The following MED12L variants were observed in gnomAD, a reference collection of about 807,000 sequenced individuals.
MED12L encodes mediator complex subunit 12L, also known as mediator of RNA polymerase II transcription subunit 12-like protein.
A neutral mutation model predicts 281.3 loss-of-function variants in MED12L; 60 were observed. The observed-to-expected ratio is 0.21, with a 90% CI of 0.17 to 0.26. The LOEUF (loss-of-function observed/expected upper bound fraction) is 0.26. Among genes scored for constraint, MED12L ranks in the 10% least tolerant of loss-of-function variants. The pLI, the probability that MED12L is intolerant of heterozygous loss-of-function variation, is 1.00. For missense variants in MED12L, 2,146 were observed against 2,680.9 expected (o/e 0.80, Z 4.41); for synonymous variants, 974 against 987.2 (o/e 0.99, Z 0.25).
intron 16 of MED12L, among the ~76,000 whole-genome samples, chr3:151,316,054 G>A (rs1748194333): frequency 1.3e-5 from 2 of 152,272 alleles, no homozygotes; most frequent in South Asian, 4.1e-4. Flanking sequence ...TCACTGGGCA[G>A]TTTTCTCAGT....
chr3:151,193,428 A>G, intron 15 of MED12L, 62 bp from the exon 16 acceptor site: 1 of 1,330,404 alleles, frequency 7.5e-7, no homozygotes, highest in Non-Finnish European at 1.1e-6. Context: ...GGTATGTAGC[A>G]CTGTGGTTTG....
chr3:151,319,873 T>G (rs74421930), intron 16 of MED12L, among the ~76,000 whole-genome samples: 1 of 152,272 alleles, frequency 6.6e-6, no homozygotes, highest in African/African-American at 2.4e-5. Flanking sequence ...TCCCGTAATC[T>G]TACTGATTTT....
In MED12L at chr3:151,381,654, A is replaced by T. The variant is rs528031035; in HGVS notation, c.4591-1002A>T. ...CGGGAGGCCTTTGATCACCTCTAAA[A>T]ATAGGACCACAGCCATTCTGTATGC... On this transcript the variant is annotated intron_variant, in intron 32 of 44. Transcript: ENST00000687756. Among the ~76,000 whole-genome samples, 8 of 152,348 alleles carry T rather than the reference A, an allele frequency of 5.3e-5. No individual in the cohort carries two copies. The South Asian group carries it at 1.4e-3, about 28-fold the overall frequency.
chr3:151,192,295 A>G (rs1431994160), intron 14 of MED12L, among the ~76,000 whole-genome samples: 2 of 152,216 alleles, frequency 1.3e-5, no homozygotes, highest in Non-Finnish European at 2.9e-5. Context: ...AATTGTGGAC[A>G]CTTGTTTTAA....
rs151100476 is a variant in MED12L, at chr3:151,367,257, G to A, written c.3328-389G>A. 4.6e-3 allele frequency among the ~76,000 whole-genome samples: 699 copies of A among 152,234 alleles called. 11 individuals carry two copies. Among genetic ancestry groups the A allele is most frequent in the African/African-American group, 0.016 (648 of 41,524 alleles). On this transcript the variant is annotated intron_variant, in intron 23 of 44. Transcript: ENST00000687756. ...TAGTGAGGCTTGTTTTTCAACTAGGGGGAGCCTCCTGGTTTTTCCCTGCCT... is the reference window on the plus strand; with the variant it reads ...TAGTGAGGCTTGTTTTTCAACTAGGAGGAGCCTCCTGGTTTTTCCCTGCCT...
chr3:151,214,315 ATCT>A, intron 16 of MED12L: 1 of 1,611,568 alleles, frequency 6.2e-7, no homozygotes, highest in South Asian at 1.1e-5. Flanking sequence ...TGAATTGATC[ATCT>A]TGTAACTTCT....
At chr3:151,218,799 G>A (rs1341252327) in intron 16 of MED12L, among the ~76,000 whole-genome samples, 2 of 146,592 alleles carry the variant, frequency 1.4e-5, no homozygotes, top group East Asian at 2.1e-4. Context: ...CCTGGGAGGC[G>A]GAGGTTGCAG....
Position 151,430,452 on chromosome 3 carries a change from G to A in MED12L, c.6490+72G>A, listed in dbSNP as rs537351283. 154 of 1,599,838 alleles carry A rather than the reference G, an allele frequency of 9.6e-5. 1 individual carries two copies. In the South Asian group the frequency reaches 1.3e-3, roughly 14 times the overall value. On this transcript the variant is annotated intron_variant, in intron 44 of 44. Coordinates refer to ENST00000687756, the MANE Select transcript of MED12L (RefSeq NM_001393769.1). The stretch of plus-strand genomic sequence containing the variant: ...AAAATAAGCCAGCGAAACGTAAAGT[G>A]GCGGCTCTCCCAAGATGGTACCATC...
In MED12L at chr3:151,273,560, A is replaced by C. The variant is rs545298628; in HGVS notation, c.2251-76499A>C. 2.7e-4 allele frequency among the ~76,000 whole-genome samples: 41 copies of C among 152,034 alleles called. No individual in the cohort carries two copies. The South Asian group carries it at 5.6e-3, about 21-fold the overall frequency. On this transcript the variant is annotated intron_variant, in intron 16 of 44. Coordinates refer to ENST00000687756, the MANE Select transcript of MED12L (RefSeq NM_001393769.1). ...CCGGCCTGATTGTGTTCTTATGCCA[A>C]TTACTGTTCTGGGTAATTTATGTAT...
intron 16 of MED12L, among the ~76,000 whole-genome samples, chr3:151,304,311 C>T (rs1179140754): frequency 6.6e-6 from 1 of 152,188 alleles, no homozygotes; most frequent in East Asian, 1.9e-4. Context: ...CACGGTGGCT[C>T]ATGCCTGTAA....
At chr3:151,175,480 T>A (rs1229170250) in intron 11 of MED12L, among the ~76,000 whole-genome samples, 1 of 152,248 alleles carries the variant, frequency 6.6e-6, no homozygotes, top group Non-Finnish European at 1.5e-5. Context: ...CATTGATTTT[T>A]TTCCCCCACT....
chr3:151,123,247 A>G (rs966354294), intron 4 of MED12L, among the ~76,000 whole-genome samples: 1 of 152,218 alleles, frequency 6.6e-6, no homozygotes, highest in African/African-American at 2.4e-5. Flanking sequence ...AGAACAGGCA[A>G]GAAGCCTTCA....
intron 2 of MED12L, among the ~76,000 whole-genome samples, chr3:151,094,091 G>A (rs553031788): frequency 8.4e-4 from 128 of 152,340 alleles, no homozygotes; most frequent in Non-Finnish European, 1.6e-3. Flanking sequence ...GTGTGTGCAC[G>A]TGTGTGTCTG....
intron 16 of MED12L, among the ~76,000 whole-genome samples, chr3:151,235,722 A>T (rs1424127612): frequency 1.3e-5 from 2 of 151,702 alleles, no homozygotes. Flanking sequence ...TAAATAAATA[A>T]GTAAAAGCAA....
intron 16 of MED12L, among the ~76,000 whole-genome samples, chr3:151,278,799 T>C (rs1409555898): frequency 6.6e-6 from 1 of 152,228 alleles, no homozygotes; most frequent in Non-Finnish European, 1.5e-5. Context: ...TAGTTGGAGC[T>C]ACCTGGAAAT....
In MED12L at chr3:151,416,306, T is replaced by C. The variant is rs1306462592; in HGVS notation, c.6298-6T>C. ...TAAGTGTATAACATTTTTACCCTCTTTCCAGATGCAGCAGCCCCAGCAGCC... is the reference window on the plus strand; with the variant it reads ...TAAGTGTATAACATTTTTACCCTCTCTCCAGATGCAGCAGCCCCAGCAGCC... On this transcript the variant is annotated splice_polypyrimidine_tract_variant and splice_region_variant and intron_variant, in intron 42 of 44. Transcript: ENST00000687756. 5.0e-6 allele frequency: 8 copies of C among 1,612,854 alleles called. No individual in the cohort carries two copies. The Admixed American group carries it at 1.2e-4, about 24-fold the overall frequency.
intron 16 of MED12L, among the ~76,000 whole-genome samples, chr3:151,309,141 G>GCACGCA (rs1560011411): frequency 6.8e-6 from 1 of 147,508 alleles, no homozygotes; most frequent in African/African-American, 2.5e-5. Flanking sequence ...ACACACACAC[G>GCACGCA]CACACACACA....
chr3:151,123,299 G>A lies in MED12L; in HGVS notation c.396+325G>A, dbSNP rs113674183. ...ATTTCCAGTTTTCTTAGGCCAAGAT[G>A]TCCAAGATTTGTTAAAAAGATTCTT... On this transcript the variant is annotated intron_variant, in intron 4 of 44. Coordinates refer to ENST00000687756, the MANE Select transcript of MED12L (RefSeq NM_001393769.1). Among the ~76,000 whole-genome samples, 533 of 152,272 alleles carry A rather than the reference G, an allele frequency of 3.5e-3. 3 individuals carry two copies. The highest frequency in any genetic ancestry group is 0.013 in the African/African-American group (520 of 41,558).
Position 151,338,117 on chromosome 3 carries a change from A to T in MED12L, c.2251-11942A>T, listed in dbSNP as rs769573028. On this transcript the variant is annotated intron_variant, in intron 16 of 44. Coordinates refer to ENST00000687756, the MANE Select transcript of MED12L (RefSeq NM_001393769.1). The stretch of plus-strand genomic sequence containing the variant: ...AAGGAACAAAACAAATAAAGAATAC[A>T]GCAATGATAATGAAAACTTTGACGT... The T allele has an allele frequency of 4.5e-5, 73 of 1,613,992 alleles. No individual in the cohort carries two copies. Among genetic ancestry groups the T allele is most frequent in the Non-Finnish European group, 6.1e-5 (72 of 1,180,012 alleles).
Sources: gnomAD v4.1 joint callset for allele counts (sites outside exome capture counted in the v4.1 genomes callset) on GRCh38, gnomAD v4.1.1 for gene constraint, MANE v1.5 for transcripts, NCBI Gene and HGNC (gene_info 2026-07-23, HGNC 2026-07-21) for gene names.